PAK6: variants seen among roughly 807,000 people sequenced by gnomAD.
PAK6 encodes serine/threonine-protein kinase PAK 6.
A neutral mutation model predicts 60.8 loss-of-function variants in PAK6; 33 were observed. The observed-to-expected ratio is 0.54, with a 90% CI of 0.41 to 0.73. The LOEUF (loss-of-function observed/expected upper bound fraction) is 0.73. Ranked by LOEUF, PAK6 falls within the 30% of genes least tolerant of loss-of-function variation. The pLI, the probability that PAK6 is intolerant of heterozygous loss-of-function variation, is 0.00. For synonymous variants in PAK6, 404 were observed against 378.5 expected (o/e 1.07, Z -0.78); for missense variants, 845 against 904.1 (o/e 0.93, Z 0.84).
Position 40,264,637 on chromosome 15 carries a change from C to G in PAK6, c.-5-144C>G, listed in dbSNP as rs776885900. 5.8e-6 allele frequency: 4 copies of G among 688,376 alleles called. No homozygotes were observed. In the East Asian group the frequency reaches 7.7e-5, roughly 13 times the overall value. The allele number at this position is 688,376 out of a possible 1,614,324, so 42.6% of individuals were successfully genotyped here. The stretch of plus-strand genomic sequence containing the variant: ...GGAGCCAGCCATTTCCCTGAGGAAG[C>G]AGAGATGGAGGTGGAGGGAAGCCCT... On this transcript the variant is annotated intron_variant, in intron 3 of 10. Coordinates refer to ENST00000560346, the Ensembl canonical transcript of PAK6.
intron 3 of PAK6, chr15:40,259,312 G>C (rs2038921129): frequency 6.6e-6 from 1 of 152,356 alleles, no homozygotes; most frequent in Non-Finnish European, 1.5e-5. Flanking sequence ...GGCAAGCGGA[G>C]GCCCTGGCTG....
At chr15:40,270,409 C>T (rs2039268435) in intron 5 of PAK6, among the ~76,000 whole-genome samples, 1 of 152,364 alleles carries the variant, frequency 6.6e-6, no homozygotes, top group African/African-American at 2.4e-5. Flanking sequence ...TAGGCTCCCA[C>T]CGAATCAGGC....
intron 7 of PAK6, 33 bp downstream of exon 7, chr15:40,273,032 A>G (rs1566858374): frequency 6.2e-7 from 1 of 1,609,276 alleles, no homozygotes; most frequent in African/African-American, 1.3e-5. Context: ...CCCTGAGTGC[A>G]GGCTGCCCTC....
chr15:40,276,028 G>T, exon 11 of PAK6: 1 of 1,613,556 alleles, frequency 6.2e-7, no homozygotes, highest in Non-Finnish European at 8.5e-7. Flanking sequence ...TCCTGCTGCA[G>T]ACAGGGCTAC....
At chr15:40,272,145 G>A (rs1321300384) in intron 5 of PAK6, 79 bp from the exon 6 acceptor site, 2 of 1,505,094 alleles carry the variant, frequency 1.3e-6, no homozygotes, top group Admixed American at 1.9e-5. Context: ...AGAGGTCACG[G>A]CGGCCAGCCC....
intron 5 of PAK6, among the ~76,000 whole-genome samples, chr15:40,267,757 G>A (rs149845435): frequency 1.3e-5 from 2 of 152,328 alleles, no homozygotes; most frequent in African/African-American, 4.8e-5. Flanking sequence ...GTGGCTTGAT[G>A]TATCTGTGAG....
intron 2 of PAK6, chr15:40,252,627 T>TCCCGCGG (rs1292635819): frequency 1.5e-6 from 2 of 1,339,982 alleles, no homozygotes; most frequent in Non-Finnish European, 2.0e-6. Flanking sequence ...CCGAGGTCCC[T>TCCCGCGG]CCCGCGGAGG....
chr15:40,272,647 C>T (rs1300212269), exon 6 of PAK6: 2 of 1,607,680 alleles, frequency 1.2e-6, no homozygotes, highest in African/African-American at 2.7e-5. Context: ...CCGGGAGAAG[C>T]ACTCGGGCCG....
rs560943227 is a variant in PAK6 at position 40,274,057 on chromosome 15, C to T, written c.1744-85C>T. The stretch of plus-strand genomic sequence containing the variant: ...CCAAGGAGAGCTGGGGCCAGCTGTC[C>T]CCCCTCCACCACTGCTGCCACCAGA... On this transcript the variant is annotated intron_variant, in intron 9 of 10. Transcript: ENST00000560346. 1.1e-4 allele frequency: 166 copies of T among 1,502,302 alleles called. 2 individuals carry two copies. In the Admixed American group the frequency reaches 1.2e-3, roughly 10 times the overall value. 93.1% of individuals were successfully genotyped at this position (1,502,302 alleles called of 1,614,324 possible). A position where few individuals can be genotyped will look rare whatever the true frequency, so the allele number is the denominator to read the frequency against.
exon 3 of PAK6, chr15:40,253,242 C>A (rs1188834336): frequency 4.4e-6 from 2 of 456,046 alleles, no homozygotes; most frequent in Non-Finnish European, 8.8e-6. Context: ...AAGAGAGAGG[C>A]CCAGTGCGGG....
chr15:40,274,058 C>A, intron 9 of PAK6, 84 bp from the exon 10 acceptor site: 1 of 1,510,756 alleles, frequency 6.6e-7, no homozygotes, highest in Non-Finnish European at 9.1e-7. Flanking sequence ...CCAGCTGTCC[C>A]CCCTCCACCA....
At chr15:40,252,683 G>T in intron 2 of PAK6, 1 of 1,310,204 alleles carries the variant, frequency 7.6e-7, no homozygotes, top group Non-Finnish European at 1.0e-6. Flanking sequence ...TGGGCTTCCC[G>T]CTCCGCAGGT....
chr15:40,257,759 T>C (rs2038877133), intron 3 of PAK6, among the ~76,000 whole-genome samples: 1 of 152,046 alleles, frequency 6.6e-6, no homozygotes, highest in Admixed American at 6.5e-5. Context: ...GCCTGGCCCA[T>C]GGATGTCTCC....
intron 2 of PAK6, among the ~76,000 whole-genome samples, chr15:40,248,179 G>A (rs1354778463): frequency 1.3e-5 from 2 of 152,212 alleles, no homozygotes; most frequent in African/African-American, 4.8e-5. Context: ...CTTCCCTCCT[G>A]CCTGGGGACC....
At chr15:40,272,806 C>T in intron 6 of PAK6, 60 bp from the exon 7 acceptor site, 3 of 1,594,076 alleles carry the variant, frequency 1.9e-6, no homozygotes, top group African/African-American at 2.7e-5. Flanking sequence ...TGAGCAGGGG[C>T]AGTGGGTGGC....
rs34445577 is a variant in PAK6, at chr15:40,272,932, G to A, written c.1423G>A (p.Glu475Lys). Residue 475 changes from glutamate to lysine, a missense_variant, in exon 7 of 11, where the codon GAG becomes AAG. Transcript: ENST00000560346. Reference sequence around the variant, plus strand: ...GATGTACAAGAGCTACCTGGTGGGCGAGGAGCTGTGGGTGCTCATGGAGTT... The same window carrying A: ...GATGTACAAGAGCTACCTGGTGGGCAAGGAGCTGTGGGTGCTCATGGAGTT... The A allele has an allele frequency of 1.7e-5, 27 of 1,614,106 alleles. No homozygotes were observed. The Middle Eastern group carries it at 3.0e-3, about 178-fold the overall frequency.
At chr15:40,248,414 G>A (rs2038557107) in intron 2 of PAK6, among the ~76,000 whole-genome samples, 1 of 152,196 alleles carries the variant, frequency 6.6e-6, no homozygotes, top group Non-Finnish European at 1.5e-5. Flanking sequence ...GGGTGAGTGG[G>A]CAGCGACCCC....
chr15:40,275,807 G>A (rs2039439912), intron 10 of PAK6, 120 bp from the exon 11 acceptor site: 4 of 919,392 alleles, frequency 4.4e-6, no homozygotes, highest in Non-Finnish European at 6.7e-6. Context: ...GAGGGACAAG[G>A]GAACAGGAAG....
At chr15:40,264,606 C>T in intron 3 of PAK6, 175 bp from the exon 4 acceptor site, 1 of 641,208 alleles carries the variant, frequency 1.6e-6, no homozygotes, top group Non-Finnish European at 2.8e-6. Flanking sequence ...TGGGACTGTT[C>T]TGCTGGGAGC....
Sources: allele counts gnomAD v4.1 joint callset (sites outside exome capture counted in the v4.1 genomes callset), GRCh38; gene constraint gnomAD v4.1.1; transcripts MANE v1.5; gene names NCBI Gene and HGNC (gene_info 2026-07-23, HGNC 2026-07-21).